The following STN1 variants were observed in gnomAD, a reference collection of about 807,000 sequenced individuals.
STN1 encodes the protein STN1 subunit of CST complex.
A neutral mutation model predicts 45.5 loss-of-function variants in STN1; 29 were observed. The ratio of observed to expected loss-of-function variants is 0.64; its 90% CI spans 0.47 to 0.87. The LOEUF is 0.87. STN1 is among the 40% of genes least tolerant of loss of function. The pLI, the probability that STN1 is intolerant of heterozygous loss-of-function variation, is 0.00. For missense variants in STN1, 376 were observed against 441.4 expected (o/e 0.85, Z 1.33); for synonymous variants, 148 against 159.0 (o/e 0.93, Z 0.52).
intron 2 of STN1, among the ~76,000 whole-genome samples, chr10:103,910,980 AAG>A (rs995506854): frequency 9.3e-5 from 14 of 151,286 alleles, no homozygotes; most frequent in Non-Finnish European, 2.1e-4. Flanking sequence ...ACTAGAAGGA[AAG>A]AGAGAGGAAA....
chr10:103,890,860 C>T (rs1466833985), intron 8 of STN1, among the ~76,000 whole-genome samples: 1 of 152,226 alleles, frequency 6.6e-6, no homozygotes, highest in African/African-American at 2.4e-5. Context: ...TGGAATACCA[C>T]AGAATTTGAT....
intron 8 of STN1, among the ~76,000 whole-genome samples, chr10:103,891,889 T>C (rs146185633): frequency 6.6e-6 from 1 of 152,302 alleles, no homozygotes; most frequent in African/African-American, 2.4e-5. Flanking sequence ...GTACTTTCCA[T>C]CTGCATTTGG....
At chr10:103,911,004 G>C (rs3752948) in intron 2 of STN1, among the ~76,000 whole-genome samples, 3 of 115,014 alleles carry the variant, frequency 2.6e-5, no homozygotes, top group African/African-American at 8.5e-5. Flanking sequence ...CATGAGAAAG[G>C]CTTCTTTGGC....
At chr10:103,914,362 A>AT (rs1564636144) in intron 2 of STN1, among the ~76,000 whole-genome samples, 18 of 12,444 alleles carry the variant, frequency 1.4e-3, no homozygotes, top group Non-Finnish European at 1.9e-3. Context: ...ATATATATAT[A>AT]TATATATATA....
chr10:103,910,904 T>C (rs1264910175), intron 2 of STN1, among the ~76,000 whole-genome samples: 4 of 152,062 alleles, frequency 2.6e-5, no homozygotes, highest in African/African-American at 9.7e-5. Flanking sequence ...CTGTTCTGAA[T>C]GCTCACAAGG....
chr10:103,896,254 A>C (rs1843170027), intron 7 of STN1, among the ~76,000 whole-genome samples: 1 of 152,204 alleles, frequency 6.6e-6, no homozygotes, highest in Admixed American at 6.5e-5. Context: ...GCAAAGAATA[A>C]GACAGACAAG....
chr10:103,900,708 T>TCA (rs749040608), intron 4 of STN1, among the ~76,000 whole-genome samples: 9 of 147,966 alleles, frequency 6.1e-5, no homozygotes, highest in African/African-American at 2.0e-4. Flanking sequence ...TCTCTCTCTC[T>TCA]CTCTCACACA....
At chr10:103,908,579 G>A (rs1843259497) in intron 3 of STN1, among the ~76,000 whole-genome samples, 1 of 152,210 alleles carries the variant, frequency 6.6e-6, no homozygotes. Flanking sequence ...GAGAGGGGCA[G>A]TTCTCCACAA....
At chr10:103,908,140 A>C (rs1843255394) in intron 3 of STN1, among the ~76,000 whole-genome samples, 1 of 152,114 alleles carries the variant, frequency 6.6e-6, no homozygotes, top group African/African-American at 2.4e-5. Flanking sequence ...AAAAAAAAAA[A>C]AAAATTAGCA....
intron 2 of STN1, among the ~76,000 whole-genome samples, chr10:103,916,755 T>C (rs1843334547): frequency 6.8e-6 from 1 of 146,498 alleles, no homozygotes; most frequent in African/African-American, 2.5e-5. Flanking sequence ...TATTTTTAGG[T>C]AAGATAAGCC....
In STN1 at chr10:103,881,002, T is replaced by C. The variant is rs947949823; in HGVS notation, c.*1682A>G. 1.3e-5 allele frequency among the ~76,000 whole-genome samples: 2 copies of C among 152,204 alleles called. No homozygotes were observed. The highest frequency in any genetic ancestry group is 2.1e-4 in the South Asian group (1 of 4,836). On this transcript the variant is annotated 3_prime_UTR_variant, in exon 10 of 10. Coordinates refer to ENST00000224950, the MANE Select transcript of STN1 (RefSeq NM_024928.5). ...AGCTGTAGATAATGGTGTTATACTA[T>C]AGAAACAGATCTATAACTCTATCTA...
rs76725977 is a variant in STN1, at chr10:103,891,647, T to C, written c.876+483A>G. On this transcript the variant is annotated intron_variant, in intron 8 of 9. Coordinates refer to ENST00000224950, the MANE Select transcript of STN1 (RefSeq NM_024928.5). ...AAAAGGTTCTTGCATAAGTCAGGGATTGGAAACAATGAAAAAGCCACAGGA... is the reference window on the plus strand; with the variant it reads ...AAAAGGTTCTTGCATAAGTCAGGGACTGGAAACAATGAAAAAGCCACAGGA... Among the ~76,000 whole-genome samples the C allele has an allele frequency of 2.0e-3, 306 of 152,278 alleles. 9 individuals are homozygous for C. The East Asian group carries it at 0.054, about 27-fold the overall frequency.
chr10:103,917,753 G>T, intron 1 of STN1, 97 bp from the exon 2 acceptor site: 1 of 702,726 alleles, frequency 1.4e-6, no homozygotes, highest in Non-Finnish European at 2.3e-6. Context: ...AGGACTCCAG[G>T]AGGGGTGAAC....
intron 2 of STN1, among the ~76,000 whole-genome samples, chr10:103,916,393 G>A (rs1843331505): frequency 1.3e-5 from 2 of 152,196 alleles, no homozygotes; most frequent in South Asian, 2.1e-4. Flanking sequence ...CTGTGGAGGA[G>A]GTTGGCTGCC....
chr10:103,893,770 C>T (rs879837626), intron 7 of STN1, among the ~76,000 whole-genome samples: 2 of 152,236 alleles, frequency 1.3e-5, no homozygotes, highest in Non-Finnish European at 2.9e-5. Flanking sequence ...CTTTCTGTTA[C>T]TCTAATAGAT....
chr10:103,883,621 T>C (rs1168884539), intron 9 of STN1, among the ~76,000 whole-genome samples: 1 of 152,154 alleles, frequency 6.6e-6, no homozygotes, highest in Non-Finnish European at 1.5e-5. Flanking sequence ...TGCTTGCTAT[T>C]GGCACAAGTA....
chr10:103,912,594 C>T (rs535101827), intron 2 of STN1, among the ~76,000 whole-genome samples: 16 of 152,320 alleles, frequency 1.1e-4, no homozygotes, highest in African/African-American at 2.2e-4. Context: ...CCTCTACTGC[C>T]GTACACCCCA....
intron 3 of STN1, among the ~76,000 whole-genome samples, chr10:103,909,132 G>C (rs1843263553): frequency 6.6e-6 from 1 of 151,596 alleles, no homozygotes; most frequent in African/African-American, 2.4e-5. Flanking sequence ...GCATATAAAA[G>C]TGCTTTACAA....
intron 9 of STN1, among the ~76,000 whole-genome samples, chr10:103,884,089 CAAAAAAAAA>C (rs35521096): frequency 2.0e-5 from 1 of 49,798 alleles, no homozygotes; most frequent in African/African-American, 8.1e-5. Context: ...GACTCCATCT[CAAAAAAAAA>C]AAAAAAAAAA....
Sources: allele counts gnomAD v4.1 joint callset (sites outside exome capture counted in the v4.1 genomes callset), GRCh38; gene constraint gnomAD v4.1.1; transcripts MANE v1.5; gene names NCBI Gene and HGNC (gene_info 2026-07-23, HGNC 2026-07-21).